The following ASTN2 variants were observed in gnomAD, a reference collection of about 807,000 sequenced individuals.
ASTN2 encodes the protein astrotactin-2.
In ASTN2, 54 loss-of-function variants were observed where a neutral mutation model predicts 139.8. The ratio of observed to expected loss-of-function variants is 0.39; its 90% confidence interval spans 0.31 to 0.48. The LOEUF (loss-of-function observed/expected upper bound fraction) is 0.48. Ranked by LOEUF, ASTN2 falls within the 20% of genes least tolerant of loss-of-function variation. The probability of loss-of-function intolerance (pLI) is 0.95; values close to 1 mark genes in which losing one functional copy is unlikely to be tolerated. For missense variants in ASTN2, 1,565 were observed against 1,725.1 expected (o/e 0.91, Z 1.64); for synonymous variants, 756 against 719.5 (o/e 1.05, Z -0.81).
intron 19 of ASTN2, among the ~76,000 whole-genome samples, chr9:116,538,849 C>CCA (rs57276362): frequency 0.18 from 27,404 of 151,918 alleles, 2,846 homozygotes; most frequent in African/African-American, 0.28. Context: ...ACATTTCAGG[C>CCA]CAAACTCCTT....
chr9:116,439,421 C>A, intron 22 of ASTN2, among the ~76,000 whole-genome samples: 1 of 139,478 alleles, frequency 7.2e-6, no homozygotes, highest in African/African-American at 3.0e-5. Flanking sequence ...GGGATGGTCT[C>A]GATCTCCTGA....
intron 1 of ASTN2, among the ~76,000 whole-genome samples, chr9:117,407,349 T>C (rs962611071): frequency 6.6e-6 from 1 of 152,158 alleles, no homozygotes; most frequent in Non-Finnish European, 1.5e-5. Flanking sequence ...TTTAATAAAA[T>C]CACTTTGTCT....
At chr9:117,228,723 G>A (rs994882050) in intron 2 of ASTN2, among the ~76,000 whole-genome samples, 2 of 152,000 alleles carry the variant, frequency 1.3e-5, no homozygotes, top group African/African-American at 4.8e-5. Flanking sequence ...ATTTAAAGAC[G>A]TGGAGTTCAG....
intron 2 of ASTN2, among the ~76,000 whole-genome samples, chr9:117,250,232 A>G (rs558233197): frequency 6.0e-4 from 92 of 152,326 alleles, no homozygotes; most frequent in African/African-American, 2.2e-3. Context: ...ACTGGGTTTG[A>G]GTGCTGGTCC....
At chr9:116,865,897 A>T (rs1833001795) in intron 10 of ASTN2, among the ~76,000 whole-genome samples, 1 of 152,162 alleles carries the variant, frequency 6.6e-6, no homozygotes, top group Admixed American at 6.5e-5. Context: ...TTCATTGTAC[A>T]AGCTTACTGA....
chr9:117,360,982 T>A (rs1829676430), intron 1 of ASTN2, among the ~76,000 whole-genome samples: 1 of 152,154 alleles, frequency 6.6e-6, no homozygotes, highest in Non-Finnish European at 1.5e-5. Context: ...TCCTCAGGAC[T>A]TAAATCCCCG....
At chr9:116,910,496 A>G (rs557224056) in intron 10 of ASTN2, among the ~76,000 whole-genome samples, 1 of 152,288 alleles carries the variant, frequency 6.6e-6, no homozygotes, top group African/African-American at 2.4e-5. Flanking sequence ...TAGGTTATTT[A>G]CTTGACACGC....
intron 10 of ASTN2, among the ~76,000 whole-genome samples, chr9:116,972,545 A>G (rs1039226615): frequency 3.3e-5 from 5 of 152,186 alleles, no homozygotes; most frequent in African/African-American, 4.8e-5. Context: ...ATATACCTCC[A>G]ACTTTAGTAC....
At chr9:117,280,319 A>T (rs1420136371) in intron 2 of ASTN2, among the ~76,000 whole-genome samples, 1 of 152,190 alleles carries the variant, frequency 6.6e-6, no homozygotes, top group Non-Finnish European at 1.5e-5. Flanking sequence ...TGGTCAGTTG[A>T]ATAGTGGGTC....
At chr9:117,005,734 C>T (rs1231127264) in intron 7 of ASTN2, among the ~76,000 whole-genome samples, 1 of 147,926 alleles carries the variant, frequency 6.8e-6, no homozygotes, top group Non-Finnish European at 1.5e-5. Context: ...CCAGTACATA[C>T]TTCTCTCTCT....
chr9:117,177,236 T>C (rs1830939446), intron 3 of ASTN2, among the ~76,000 whole-genome samples: 1 of 152,188 alleles, frequency 6.6e-6, no homozygotes, highest in African/African-American at 2.4e-5. Context: ...CCAAGGAGTG[T>C]CTAAACAGTT....
chr9:116,554,007 C>A (rs902042996), intron 19 of ASTN2, among the ~76,000 whole-genome samples: 1 of 152,168 alleles, frequency 6.6e-6, no homozygotes, highest in African/African-American at 2.4e-5. Context: ...AATGAACAAG[C>A]TACCCACAGT....
chr9:116,888,053 C>A (rs1378420913), intron 10 of ASTN2, among the ~76,000 whole-genome samples: 2 of 152,116 alleles, frequency 1.3e-5, no homozygotes, highest in Non-Finnish European at 2.9e-5. Context: ...TTTCATATAT[C>A]ATAAGATCAG....
In ASTN2 at chr9:116,729,263, T is replaced by C. The variant is rs184497661; in HGVS notation, c.2522-167A>G. On this transcript the variant is annotated intron_variant, in intron 14 of 22. Coordinates refer to ENST00000313400, the MANE Select transcript of ASTN2 (RefSeq NM_001365068.1). Reference sequence around the variant, plus strand: ...CCACCCTCCAGGCCTCTTTCTGGTCTCTAATCTCAGCCCTACCCCTCATTT... The same window carrying C: ...CCACCCTCCAGGCCTCTTTCTGGTCCCTAATCTCAGCCCTACCCCTCATTT... 6.6e-5 allele frequency among the ~76,000 whole-genome samples: 10 copies of C among 152,304 alleles called. No homozygotes were observed. The East Asian group carries it at 1.9e-3, about 29-fold the overall frequency.
At chr9:116,577,253 G>C (rs1268524950) in intron 19 of ASTN2, among the ~76,000 whole-genome samples, 2 of 152,212 alleles carry the variant, frequency 1.3e-5, no homozygotes, top group Admixed American at 1.3e-4. Context: ...TATAGGCCAG[G>C]CACGGTGGCT....
chr9:117,178,642 G>C (rs145911682), intron 3 of ASTN2, among the ~76,000 whole-genome samples: 92 of 152,302 alleles, frequency 6.0e-4, no homozygotes, highest in African/African-American at 2.1e-3. Context: ...ATCTCTGCTG[G>C]CAGGAAAAGT....
chr9:116,980,370 T>C (rs1836477808), intron 7 of ASTN2, among the ~76,000 whole-genome samples: 1 of 151,812 alleles, frequency 6.6e-6, no homozygotes, highest in South Asian at 2.1e-4. Flanking sequence ...ATGTACCCCC[T>C]ATATAAATAA....
At chr9:116,739,214 G>T (rs1014854051) in intron 13 of ASTN2, among the ~76,000 whole-genome samples, 2 of 152,262 alleles carry the variant, frequency 1.3e-5, no homozygotes, top group Middle Eastern at 3.4e-3. Flanking sequence ...TTCAGGAACT[G>T]TTTTGGGTAC....
chr9:116,863,777 C>T (rs1459422621), intron 10 of ASTN2, 44 bp from the exon 11 acceptor site: 2 of 1,529,808 alleles, frequency 1.3e-6, no homozygotes, highest in East Asian at 2.3e-5. Flanking sequence ...ACATTTGGAT[C>T]CTTAGATTAA....
Sources: gnomAD v4.1 joint callset for allele counts (sites outside exome capture counted in the v4.1 genomes callset) on GRCh38, gnomAD v4.1.1 for gene constraint, MANE v1.5 for transcripts, NCBI Gene and HGNC (gene_info 2026-07-23, HGNC 2026-07-21) for gene names.